RASA2: variants seen among roughly 807,000 people sequenced by gnomAD.
The protein encoded by RASA2 is RAS p21 protein activator 2.
A neutral mutation model predicts 118.2 loss-of-function variants in RASA2; 155 were observed. The observed-to-expected ratio is 1.31, with a 90% confidence interval of 1.15 to 1.50. RASA2 has a LOEUF of 1.50. Ranked by LOEUF, RASA2 falls within the 40% of genes most tolerant of loss-of-function variation. RASA2 has a pLI of 0.00. For missense variants in RASA2, 1,016 were observed against 1,009.6 expected (o/e 1.01, Z -0.09); for synonymous variants, 353 against 349.1 (o/e 1.01, Z -0.12).
At chr3:141,583,278 A>G (rs1165740432) in intron 17 of RASA2, among the ~76,000 whole-genome samples, 1 of 152,048 alleles carries the variant, frequency 6.6e-6, no homozygotes, top group Non-Finnish European at 1.5e-5. Context: ...ACAAAAAATT[A>G]GCCAGGCCTG....
intron 19 of RASA2, chr3:141,600,266 T>A (rs1266335152): frequency 1.3e-5 from 7 of 534,764 alleles, no homozygotes; most frequent in Non-Finnish European, 2.7e-5. Context: ...CCTGTATGTA[T>A]TTAGTTTTCA....
intron 1 of RASA2, 86 bp downstream of exon 1, chr3:141,487,302 C>A (rs1162139702): frequency 1.2e-5 from 14 of 1,187,452 alleles, no homozygotes; most frequent in African/African-American, 3.3e-5. Flanking sequence ...GTGGCGGCGC[C>A]GAGCTGCGCT....
chr3:141,568,896 A>G (rs927802687), intron 9 of RASA2, among the ~76,000 whole-genome samples: 4 of 152,106 alleles, frequency 2.6e-5, no homozygotes, highest in Non-Finnish European at 4.4e-5. Context: ...AATTCCTTTA[A>G]TATATTCTAA....
intron 23 of RASA2, among the ~76,000 whole-genome samples, chr3:141,610,444 T>C (rs1231772754): frequency 2.8e-5 from 3 of 105,686 alleles, no homozygotes; most frequent in Non-Finnish European, 5.3e-5. Context: ...TATATTTATA[T>C]ATTATATATT....
At position 141,586,016 on chromosome 3, in the gene RASA2, C is replaced by T; in HGVS notation, c.1753-9C>T. ...ACACAGTGTAATATTTGCCCATTTC[C>T]CCATTTAGTTCTTGGATGAAATTTC... On this transcript the variant is annotated splice_polypyrimidine_tract_variant and intron_variant, in intron 17 of 23. Coordinates refer to ENST00000286364, the MANE Select transcript of RASA2 (RefSeq NM_006506.5). 1.2e-6 allele frequency: 2 copies of T among 1,600,072 alleles called. No individual in the cohort carries two copies. The highest frequency in any genetic ancestry group is 1.7e-6 in the Non-Finnish European group (2 of 1,168,424).
intron 1 of RASA2, among the ~76,000 whole-genome samples, chr3:141,498,161 A>G (rs2081730502): frequency 6.6e-6 from 1 of 152,200 alleles, no homozygotes; most frequent in African/African-American, 2.4e-5. Context: ...GATACTTTGC[A>G]AAATATTTCA....
At chr3:141,527,418 T>TA (rs2082200307) in intron 3 of RASA2, among the ~76,000 whole-genome samples, 1 of 152,120 alleles carries the variant, frequency 6.6e-6, no homozygotes, top group Non-Finnish European at 1.5e-5. Context: ...ACATAAAAGA[T>TA]ACACAGTTAC....
rs529912415 is a variant in RASA2 at position 141,558,921 on chromosome 3, G to C, written c.720G>C (p.Gln240His). The C allele has an allele frequency of 1.2e-6, 2 of 1,607,678 alleles. No individual in the cohort carries two copies. The highest frequency in any genetic ancestry group is 1.7e-6 in the Non-Finnish European group (2 of 1,174,900). Residue 240 changes from glutamine to histidine, a missense_variant, in exon 8 of 24, where the codon CAG (glutamine) becomes CAC (histidine). Physicochemically the swap from Gln to His is conservative, Grantham distance 24 (BLOSUM62 0). Around this residue, in one of 2 missense-constraint regions of RASA2, gnomAD observed 896 missense variants for 836.4 expected, o/e 1.07. Transcript: ENST00000286364. ...CCAGTAGTTACACCAGAAAGTCCCAGTTCCAGGTAGAAGAGGAGGACATTG... is the reference window on the plus strand; with the variant it reads ...CCAGTAGTTACACCAGAAAGTCCCACTTCCAGGTAGAAGAGGAGGACATTG... The part of the protein sequence containing the change: ...TRSSSYTRKS[Q>H]FQVEEEDIEK...
chr3:141,520,615 A>G (rs1326112219), intron 3 of RASA2, among the ~76,000 whole-genome samples: 1 of 151,852 alleles, frequency 6.6e-6, no homozygotes, highest in South Asian at 2.1e-4. Flanking sequence ...ATATTGTATT[A>G]TATGATATAC....
intron 1 of RASA2, among the ~76,000 whole-genome samples, chr3:141,500,069 G>A (rs2081756857): frequency 6.6e-6 from 1 of 152,188 alleles, no homozygotes; most frequent in Admixed American, 6.5e-5. Flanking sequence ...GTCACCATAT[G>A]CCTATTGGTA....
chr3:141,508,986 T>C (rs2081910155), intron 1 of RASA2, among the ~76,000 whole-genome samples: 1 of 152,236 alleles, frequency 6.6e-6, no homozygotes, highest in Admixed American at 6.5e-5. Flanking sequence ...ATATTCTCTT[T>C]ATGCTTAGAG....
At chr3:141,491,637 A>G (rs762675327) in intron 1 of RASA2, among the ~76,000 whole-genome samples, 1 of 152,188 alleles carries the variant, frequency 6.6e-6, no homozygotes, top group Non-Finnish European at 1.5e-5. Flanking sequence ...AGAAAACTGT[A>G]TGAGTCTGCA....
chr3:141,612,263 T>C lies in RASA2; in HGVS notation c.2520-20T>C, dbSNP rs756524961. The C allele has an allele frequency of 2.6e-6, 4 of 1,558,334 alleles. No individual in the cohort carries two copies. Among genetic ancestry groups the C allele is most frequent in the East Asian group, 2.3e-5 (1 of 44,366 alleles). ...TTTGTATTTCTTAAATTTTGAAAAA[T>C]GACTTTTTTTCTTCTCTAGGGAAAA... On this transcript the variant is annotated intron_variant, in intron 23 of 23. Coordinates refer to ENST00000286364, the MANE Select transcript of RASA2 (RefSeq NM_006506.5).
intron 9 of RASA2, among the ~76,000 whole-genome samples, chr3:141,566,830 C>T (rs2082827123): frequency 6.6e-6 from 1 of 152,076 alleles, no homozygotes; most frequent in Non-Finnish European, 1.5e-5. Context: ...TAATTGCTTT[C>T]AAAAAGTGAC....
At chr3:141,560,046 A>AGT (rs1405034463) in intron 9 of RASA2, 51 bp downstream of exon 9, 2 of 1,395,166 alleles carry the variant, frequency 1.4e-6, no homozygotes, top group East Asian at 2.3e-5. Flanking sequence ...TCTTTAGTAC[A>AGT]GTATATATAT....
chr3:141,575,499 GT>G (rs2082996196), intron 14 of RASA2, among the ~76,000 whole-genome samples: 1 of 152,210 alleles, frequency 6.6e-6, no homozygotes, highest in African/African-American at 2.4e-5. Context: ...CACAGTGTTA[GT>G]GTGTTAGCCT....
rs531776790 is a variant in RASA2 at position 141,594,850 on chromosome 3, T to C, written c.1933+8098T>C. Among the ~76,000 whole-genome samples, 67 of 151,054 alleles carry C rather than the reference T, an allele frequency of 4.4e-4. 1 individual carries two copies. The South Asian group carries it at 0.014, about 31-fold the overall frequency. Reference sequence around the variant, plus strand: ...TAAAGAGCACTGGAAATGGTAAATATGTGGGTAAATGTAAGAATGCCTGTT... The same window carrying C: ...TAAAGAGCACTGGAAATGGTAAATACGTGGGTAAATGTAAGAATGCCTGTT... On this transcript the variant is annotated intron_variant, in intron 19 of 23. Coordinates refer to ENST00000286364, the MANE Select transcript of RASA2 (RefSeq NM_006506.5).
intron 9 of RASA2, among the ~76,000 whole-genome samples, chr3:141,570,093 T>A (rs1264884548): frequency 6.6e-6 from 1 of 151,928 alleles, no homozygotes; most frequent in Non-Finnish European, 1.5e-5. Flanking sequence ...AAAGCTTTTT[T>A]TTTTTTTTTT....
chr3:141,564,743 A>C (rs1375565861), intron 9 of RASA2, among the ~76,000 whole-genome samples: 1 of 152,184 alleles, frequency 6.6e-6, no homozygotes, highest in Non-Finnish European at 1.5e-5. Flanking sequence ...AATGGTGATA[A>C]TTGTTGTAAC....
Sources: allele counts gnomAD v4.1 joint callset (sites outside exome capture counted in the v4.1 genomes callset), GRCh38; gene constraint gnomAD v4.1.1; regional missense constraint gnomAD v4.1.1; transcripts MANE v1.5; gene names NCBI Gene and HGNC (gene_info 2026-07-23, HGNC 2026-07-21).